UBE2W: variants seen among roughly 807,000 people sequenced by gnomAD.
UBE2W encodes the protein ubiquitin-conjugating enzyme E2 W.
In UBE2W, 18 loss-of-function variants were observed where a neutral mutation model predicts 27.2. The observed-to-expected ratio is 0.66, with a 90% CI of 0.46 to 0.98. The LOEUF is 0.98. Ranked by LOEUF, UBE2W falls within the 50% of genes least tolerant of loss-of-function variation. UBE2W has a pLI of 0.00. For synonymous variants in UBE2W, 53 were observed against 57.2 expected, an observed-to-expected ratio of 0.93 and a Z score of 0.33; for missense variants, 90 against 180.2, an observed-to-expected ratio of 0.50 and a Z score of 2.87.
intron 1 of UBE2W, among the ~76,000 whole-genome samples, chr8:73,872,997 C>T (rs1812068686): frequency 6.6e-6 from 1 of 151,758 alleles, no homozygotes; most frequent in Non-Finnish European, 1.5e-5. Context: ...CCTCCGCCTC[C>T]TGGGCCCAAG....
rs1004370960 is a variant in UBE2W, at chr8:73,787,159, G to A, written c.*6943C>T. On this transcript the variant is annotated 3_prime_UTR_variant, in exon 6 of 6. Coordinates refer to ENST00000602593, the MANE Select transcript of UBE2W (RefSeq NM_018299.6). ...GCAAACATTAAAAATAAATCTTACA[G>A]GCAACTAAAAAAATGGTTGAAAGGG... The A allele has an allele frequency of 3.0e-6, 3 of 985,224 alleles. No homozygotes were observed. Among genetic ancestry groups the A allele is most frequent in the African/African-American group, 3.5e-5 (2 of 57,214 alleles). 61.0% of individuals were successfully genotyped at this position (985,224 alleles called of 1,614,324 possible). A position where few individuals can be genotyped will look rare whatever the true frequency, so the allele number is the denominator to read the frequency against.
At chr8:73,861,435 C>T (rs1431726291) in intron 1 of UBE2W, among the ~76,000 whole-genome samples, 6 of 152,076 alleles carry the variant, frequency 3.9e-5, no homozygotes, top group African/African-American at 9.7e-5. Flanking sequence ...ATTCTTGGTA[C>T]GGGGCCCTGA....
In UBE2W at chr8:73,788,979, AAT is replaced by A. The variant is rs1039564265; in HGVS notation, c.*5121_*5122del. On this transcript the variant is annotated 3_prime_UTR_variant, in exon 6 of 6. Transcript: ENST00000602593. ...ATTAACAAAAAATTTTTCATAAAAA[AAT>A]AGTCATTTAATCATTCTAGAGACTC... The A allele has an allele frequency of 4.2e-5, 41 of 983,202 alleles. No individual in the cohort carries two copies. The highest frequency in any genetic ancestry group is 2.1e-4 in the African/African-American group (12 of 57,278). 60.9% of individuals were successfully genotyped at this position (983,202 alleles called of 1,614,324 possible).
At chr8:73,810,224 G>A (rs1036224363) in intron 4 of UBE2W, among the ~76,000 whole-genome samples, 2 of 152,060 alleles carry the variant, frequency 1.3e-5, no homozygotes, top group Non-Finnish European at 1.5e-5. Flanking sequence ...AGAAAATACC[G>A]TACATTTCCT....
chr8:73,829,542 A>G (rs1037014700), intron 2 of UBE2W, among the ~76,000 whole-genome samples: 1 of 151,294 alleles, frequency 6.6e-6, no homozygotes, highest in African/African-American at 2.4e-5. Flanking sequence ...AATATTTTTA[A>G]GTGATTGTTA....
In UBE2W at chr8:73,789,117, C is replaced by G; in HGVS notation, c.*4985G>C. On this transcript the variant is annotated 3_prime_UTR_variant, in exon 6 of 6. Transcript: ENST00000602593. ...ACTTTCAGGATAGAGAGCTAAGTTT[C>G]AAGTACATGTCTAGATTCTATGTGC... 1.0e-6 allele frequency: 1 copy of G among 984,952 alleles called. No individual in the cohort carries two copies. The highest frequency in any genetic ancestry group is 1.2e-6 in the Non-Finnish European group (1 of 829,836). The allele number at this position is 984,952 out of a possible 1,614,324, so 61.0% of individuals were successfully genotyped here. A position where few individuals can be genotyped will look rare whatever the true frequency, so the allele number is the denominator to read the frequency against.
Position 73,787,576 on chromosome 8 carries a change from T to C in UBE2W, c.*6526A>G. ...GCCTCAATGAGGACTAAGGTGCTCCTGGGGCAAGCAGATCCCCTGCAGAAA... is the reference window on the plus strand; with the variant it reads ...GCCTCAATGAGGACTAAGGTGCTCCCGGGGCAAGCAGATCCCCTGCAGAAA... On this transcript the variant is annotated 3_prime_UTR_variant, in exon 6 of 6. Transcript: ENST00000602593. 1 of 985,410 alleles carries C rather than the reference T, an allele frequency of 1.0e-6. No individual in the cohort carries two copies. The highest frequency in any genetic ancestry group is 1.2e-6 in the Non-Finnish European group (1 of 829,922). 61.0% of individuals were successfully genotyped at this position (985,410 alleles called of 1,614,324 possible). A position where few individuals can be genotyped will look rare whatever the true frequency, so the allele number is the denominator to read the frequency against.
At chr8:73,803,721 T>A (rs1808744311) in intron 5 of UBE2W, among the ~76,000 whole-genome samples, 2 of 152,108 alleles carry the variant, frequency 1.3e-5, no homozygotes, top group Non-Finnish European at 2.9e-5. Context: ...AATTTTCACA[T>A]TTCTGTCTCT....
At chr8:73,854,102 T>C (rs960248205) in intron 1 of UBE2W, among the ~76,000 whole-genome samples, 1 of 152,078 alleles carries the variant, frequency 6.6e-6, no homozygotes, top group African/African-American at 2.4e-5. Context: ...TGAACCCTGA[T>C]TGTGCCACTG....
chr8:73,803,159 T>C (rs565508287), intron 5 of UBE2W, among the ~76,000 whole-genome samples: 1 of 152,262 alleles, frequency 6.6e-6, no homozygotes, highest in Non-Finnish European at 1.5e-5. Flanking sequence ...GAGGATGCAG[T>C]GAGCCTAGAT....
At position 73,787,240 on chromosome 8, in the gene UBE2W, A is replaced by C; in HGVS notation, c.*6862T>G. 1.0e-6 allele frequency: 1 copy of C among 985,474 alleles called. No individual in the cohort carries two copies. Among genetic ancestry groups the C allele is most frequent in the Non-Finnish European group, 1.2e-6 (1 of 829,938 alleles). The allele number at this position is 985,474 out of a possible 1,614,324, so 61.0% of individuals were successfully genotyped here. A position where few individuals can be genotyped will look rare whatever the true frequency, so the allele number is the denominator to read the frequency against. On this transcript the variant is annotated 3_prime_UTR_variant, in exon 6 of 6. Transcript: ENST00000602593. Reference sequence around the variant, plus strand: ...TTTGAGCTTTGTTGTCCAAGTACACAAAACTCTTAGCTGTCTCACTTGCTT... The same window carrying C: ...TTTGAGCTTTGTTGTCCAAGTACACCAAACTCTTAGCTGTCTCACTTGCTT...
At chr8:73,865,165 T>C (rs964798806) in intron 1 of UBE2W, among the ~76,000 whole-genome samples, 8 of 116,654 alleles carry the variant, frequency 6.9e-5, no homozygotes, top group Non-Finnish European at 3.2e-5. Context: ...CACTGCTCTT[T>C]AAGTGTGCAA....
intron 1 of UBE2W, among the ~76,000 whole-genome samples, chr8:73,849,501 A>T: frequency 7.2e-6 from 1 of 138,010 alleles, no homozygotes; most frequent in South Asian, 2.4e-4. Context: ...AACAAGAGTG[A>T]AACTCCATCT....
intron 3 of UBE2W, among the ~76,000 whole-genome samples, chr8:73,818,373 T>C (rs767028162): frequency 2.6e-5 from 4 of 152,210 alleles, no homozygotes; most frequent in Non-Finnish European, 5.9e-5. Flanking sequence ...TAACGGCCTA[T>C]CTGATCTCCC....
At chr8:73,794,155 C>A (rs1255098487) in intron 5 of UBE2W, 40 bp from the exon 6 acceptor site, 1 of 1,603,042 alleles carries the variant, frequency 6.2e-7, no homozygotes, top group Non-Finnish European at 8.5e-7. Flanking sequence ...AAAAGTCAAG[C>A]ATGTATAAGT....
chr8:73,807,685 A>G (rs1189441856), intron 4 of UBE2W, among the ~76,000 whole-genome samples: 1 of 152,218 alleles, frequency 6.6e-6, no homozygotes, highest in Non-Finnish European at 1.5e-5. Flanking sequence ...GTACTACTAG[A>G]GCAGATACTT....
At chr8:73,827,727 A>C (rs1586486520) in intron 2 of UBE2W, among the ~76,000 whole-genome samples, 1 of 151,506 alleles carries the variant, frequency 6.6e-6, no homozygotes, top group East Asian at 2.0e-4. Flanking sequence ...TTCAGTAGAG[A>C]TGGGATCTCC....
Position 73,791,787 on chromosome 8 carries a change from C to A in UBE2W, c.*2315G>T. 3 of 984,714 alleles carry A rather than the reference C, an allele frequency of 3.0e-6. No individual in the cohort carries two copies. Among genetic ancestry groups the A allele is most frequent in the Non-Finnish European group, 3.6e-6 (3 of 829,350 alleles). The allele number at this position is 984,714 out of a possible 1,614,324, so 61.0% of individuals were successfully genotyped here. ...TTCATCTTATTTTCTACTCTTTAAA[C>A]CATAAGATGTACCGAAATTATTTCA... On this transcript the variant is annotated 3_prime_UTR_variant, in exon 6 of 6. Coordinates refer to ENST00000602593, the MANE Select transcript of UBE2W (RefSeq NM_018299.6).
In UBE2W at chr8:73,825,138, G is replaced by A. The variant is rs1809784386; in HGVS notation, c.210+9C>T. ...ATACAAAAAAAAAAATTTAAAGCAA[G>A]GCAATTACCTGAGGAGAGTCAAAAG... On this transcript the variant is annotated intron_variant, in intron 3 of 5. Transcript: ENST00000602593. 1 of 1,515,374 alleles carries A rather than the reference G, an allele frequency of 6.6e-7. No individual in the cohort carries two copies. Among genetic ancestry groups the A allele is most frequent in the East Asian group, 2.4e-5 (1 of 41,048 alleles). 93.9% of individuals were successfully genotyped at this position (1,515,374 alleles called of 1,614,324 possible). A position where few individuals can be genotyped will look rare whatever the true frequency, so the allele number is the denominator to read the frequency against.
Sources: gnomAD v4.1 joint callset for allele counts (sites outside exome capture counted in the v4.1 genomes callset) on GRCh38, gnomAD v4.1.1 for gene constraint, MANE v1.5 for transcripts, NCBI Gene and HGNC (gene_info 2026-07-23, HGNC 2026-07-21) for gene names.